The following ANKAR variants were observed in gnomAD, a reference collection of about 807,000 sequenced individuals.
ANKAR encodes ankyrin and armadillo repeat-containing protein.
ANKAR carries 136 observed loss-of-function variants against 146.2 expected under a neutral mutation model. The ratio of observed to expected loss-of-function variants is 0.93; its 90% confidence interval spans 0.81 to 1.07. The LOEUF (loss-of-function observed/expected upper bound fraction) is 1.07, where lower values mean the gene tolerates loss of function less well. Among genes scored for constraint, ANKAR ranks in the 50% least tolerant of loss-of-function variants. ANKAR has a pLI of 0.00. For missense variants in ANKAR, 1,567 were observed against 1,679.9 expected (o/e 0.93, Z 1.18); for synonymous variants, 500 against 575.8 (o/e 0.87, Z 1.88).
rs759746859 is a variant in ANKAR, at chr2:189,728,387, C to A, written c.2998C>A (p.Leu1000Ile). 1.9e-6 allele frequency: 3 copies of A among 1,602,596 alleles called. No individual in the cohort carries two copies. The Middle Eastern group carries it at 5.0e-4, about 267-fold the overall frequency. ...TGGATACAGCTTTATAATAAATATGCTTTTGTCACCATCAGCTAAAATGCA... is the reference window on the plus strand; with the variant it reads ...TGGATACAGCTTTATAATAAATATGATTTTGTCACCATCAGCTAAAATGCA... ...QIGYSFIINM[L>I]LSPSAKMQYV... The change falls in exon 14 of 23, where the codon CTT becomes ATT. Residue 1000 changes from leucine (L) to isoleucine (I), a missense_variant. Transcript: ENST00000684021.
At chr2:189,685,382 T>C (rs904214977) in intron 2 of ANKAR, among the ~76,000 whole-genome samples, 1 of 152,172 alleles carries the variant, frequency 6.6e-6, no homozygotes, top group African/African-American at 2.4e-5. Flanking sequence ...AAGGGAAATA[T>C]TGAATTCTTC....
chr2:189,694,780 T>C (rs1474253403), intron 5 of ANKAR, among the ~76,000 whole-genome samples: 2 of 152,158 alleles, frequency 1.3e-5, no homozygotes, highest in Non-Finnish European at 2.9e-5. Context: ...CAATACAATA[T>C]GAAGAAGGTA....
chr2:189,685,930 A>G (rs1298135193), intron 2 of ANKAR, among the ~76,000 whole-genome samples: 2 of 152,082 alleles, frequency 1.3e-5, no homozygotes, highest in Non-Finnish European at 2.9e-5. Flanking sequence ...GGATCTCACT[A>G]CACCTTTTCT....
intron 12 of ANKAR, among the ~76,000 whole-genome samples, chr2:189,726,173 G>T (rs114618111): frequency 6.6e-6 from 1 of 152,074 alleles, no homozygotes; most frequent in Admixed American, 6.5e-5. Flanking sequence ...ATATTTACAT[G>T]GTCTTAAAGT....
At position 189,746,536 on chromosome 2, in the gene ANKAR, A is replaced by G. The variant is rs2044191847; in HGVS notation, c.4214A>G (p.Asp1405Gly). ...IFSFSSTITS[D>G]ITNVSRPRIV... ...TCTTTTTCATCTACAATTACATCAG[A>G]TATCACAAATGTATCAAGACCAAGA... is the stretch of plus-strand genomic sequence containing the variant. The change falls in exon 23 of 23, where the codon GAT becomes GGT. Residue 1405 changes from aspartate to glycine, a missense_variant. Transcript: ENST00000684021. 1 of 1,613,828 alleles carries G rather than the reference A, an allele frequency of 6.2e-7. No individual in the cohort carries two copies. The highest frequency in any genetic ancestry group is 1.1e-5 in the South Asian group (1 of 91,054).
chr2:189,742,874 ACACACACACACACACACAC>A (rs2043500445), intron 20 of ANKAR, among the ~76,000 whole-genome samples: 3 of 97,618 alleles, frequency 3.1e-5, no homozygotes, highest in Admixed American at 2.3e-4. Context: ...TGACACACAC[ACACACACACACACACACAC>A]TAGAATTACC....
At chr2:189,760,661 C>A (rs985290669) in intron 18 of ANKAR, among the ~76,000 whole-genome samples, 2 of 151,312 alleles carry the variant, frequency 1.3e-5, no homozygotes, top group African/African-American at 4.9e-5. Flanking sequence ...CGTGGTGGCA[C>A]GTGCCTGTAA....
chr2:189,757,212 A>C (rs1230429549), intron 18 of ANKAR, among the ~76,000 whole-genome samples: 1 of 152,224 alleles, frequency 6.6e-6, no homozygotes, highest in Admixed American at 6.5e-5. Context: ...GAACTCAGTC[A>C]GTGAGAAGGG....
At chr2:189,693,258 A>C in intron 5 of ANKAR, 81 bp downstream of exon 5, 1 of 876,846 alleles carries the variant, frequency 1.1e-6, no homozygotes, top group Non-Finnish European at 1.8e-6. Context: ...ACAAAATGCA[A>C]AGGTTAATGT....
rs10203086 is a variant in ANKAR at position 189,743,159 on chromosome 2, T to A, written c.3811-116T>A. ...CACTGCCATTTGTTTGCATACATAT[T>A]TGCTTACACTTGCTCCCTCCCTTAC... On this transcript the variant is annotated intron_variant, in intron 20 of 22. Coordinates refer to ENST00000684021, the MANE Select transcript of ANKAR (RefSeq NM_001378068.1). 8.1e-4 allele frequency: 748 copies of A among 924,566 alleles called. 2 individuals are homozygous for A. The African/African-American group carries it at 0.012, about 14-fold the overall frequency. The allele number at this position is 924,566 out of a possible 1,614,324, so 57.3% of individuals were successfully genotyped here. A position where few individuals can be genotyped will look rare whatever the true frequency, so the allele number is the denominator to read the frequency against.
intron 18 of ANKAR, among the ~76,000 whole-genome samples, chr2:189,760,696 CA>C (rs2046910959): frequency 2.0e-5 from 3 of 151,620 alleles, no homozygotes; most frequent in African/African-American, 7.3e-5. Flanking sequence ...GAGGCTGAGA[CA>C]GGGGAATCGT....
chr2:189,687,818 T>G (rs1015305415), intron 2 of ANKAR, among the ~76,000 whole-genome samples: 2 of 152,234 alleles, frequency 1.3e-5, no homozygotes, highest in African/African-American at 4.8e-5. Context: ...TAGAATTTTT[T>G]CCTGTAGAAT....
At chr2:189,728,853 T>A in intron 15 of ANKAR, 32 bp downstream of exon 15, 1 of 1,591,676 alleles carries the variant, frequency 6.3e-7, no homozygotes, top group Non-Finnish European at 8.6e-7. Context: ...TTCTTAAATA[T>A]CTGTAAGAAC....
chr2:189,701,758 A>G (rs1387112074), intron 7 of ANKAR, among the ~76,000 whole-genome samples: 19 of 152,184 alleles, frequency 1.2e-4, no homozygotes. Flanking sequence ...TATTAATCAT[A>G]GTTTTAAATT....
intron 2 of ANKAR, among the ~76,000 whole-genome samples, chr2:189,681,360 G>A (rs950262769): frequency 6.6e-6 from 1 of 152,216 alleles, no homozygotes; most frequent in African/African-American, 2.4e-5. Flanking sequence ...CTTACTTGAT[G>A]ACAAAGTTAG....
intron 3 of ANKAR, among the ~76,000 whole-genome samples, chr2:189,690,702 T>C (rs1187282313): frequency 6.6e-6 from 1 of 152,158 alleles, no homozygotes; most frequent in Non-Finnish European, 1.5e-5. Flanking sequence ...GGTGCTGTGT[T>C]TTAGTGAAAG....
chr2:189,720,499 G>C (rs1333864887), intron 11 of ANKAR, 120 bp from the exon 12 acceptor site: 1 of 506,404 alleles, frequency 2.0e-6, no homozygotes, highest in Non-Finnish European at 3.0e-6. Context: ...GCCTGCCTCG[G>C]CCTCCCAAAG....
At chr2:189,686,274 GAGC>G (rs2105779083) in intron 2 of ANKAR, among the ~76,000 whole-genome samples, 1 of 152,260 alleles carries the variant, frequency 6.6e-6, no homozygotes, top group African/African-American at 2.4e-5. Flanking sequence ...TTACACTTTA[GAGC>G]ATATATATTA....
At chr2:189,741,130 C>G (rs1029889159) in intron 19 of ANKAR, among the ~76,000 whole-genome samples, 3 of 152,092 alleles carry the variant, frequency 2.0e-5, no homozygotes, top group African/African-American at 7.2e-5. Context: ...TTACATAAAC[C>G]TATTTAATTT....
Sources: gnomAD v4.1 joint callset for allele counts (sites outside exome capture counted in the v4.1 genomes callset) on GRCh38, gnomAD v4.1.1 for gene constraint, MANE v1.5 for transcripts, NCBI Gene and HGNC (gene_info 2026-07-23, HGNC 2026-07-21) for gene names.